Variants in CELF2 observed in about 807,000 individuals in gnomAD.
The protein encoded by CELF2 is CUG triplet repeat RNA-binding protein 2.
A neutral mutation model predicts 62.6 loss-of-function variants in CELF2; 8 were observed. That is an observed-to-expected ratio of 0.13 (90% CI 0.07 to 0.23). The LOEUF (loss-of-function observed/expected upper bound fraction) is 0.23. Ranked by LOEUF, CELF2 falls within the 10% of genes least tolerant of loss-of-function variation. The pLI, the probability that CELF2 is intolerant of heterozygous loss-of-function variation, is 1.00. For missense variants in CELF2, 333 were observed against 671.0 expected (o/e 0.50, Z 5.56); for synonymous variants, 258 against 250.0 (o/e 1.03, Z -0.30).
intron 2 of CELF2, among the ~76,000 whole-genome samples, chr10:11,198,451 C>T (rs796670730): frequency 5.9e-5 from 9 of 152,302 alleles, no homozygotes; most frequent in African/African-American, 2.2e-4. Flanking sequence ...TTGCCAACAT[C>T]TTTTTCTGTT....
At chr10:10,946,617 T>C (rs1187023554) in intron 2 of CELF2, 1 of 152,504 alleles carries the variant, frequency 6.6e-6, no homozygotes, top group Non-Finnish European at 1.5e-5. Context: ...AGATAAAGTT[T>C]TAGTGTTTTT....
the CELF2 span, among the ~76,000 whole-genome samples, chr10:10,597,266 C>G: frequency 6.6e-6 from 1 of 152,198 alleles, no homozygotes; most frequent in African/African-American, 2.4e-5. Flanking sequence ...AATTAAGCAT[C>G]TTGGAATCAG....
intron 2 of CELF2, among the ~76,000 whole-genome samples, chr10:10,953,411 C>G (rs928181495): frequency 6.6e-6 from 1 of 151,972 alleles, no homozygotes; most frequent in Non-Finnish European, 1.5e-5. Context: ...GCTTTCACAC[C>G]CAAAAGAAAT....
chr10:10,700,268 G>C, the CELF2 span, among the ~76,000 whole-genome samples: 2 of 152,198 alleles, frequency 1.3e-5, no homozygotes, highest in Non-Finnish European at 2.9e-5. Flanking sequence ...CCCCAGGGAA[G>C]AGGGAAAAGA....
At chr10:10,727,315 A>G in the CELF2 span, among the ~76,000 whole-genome samples, 1 of 152,190 alleles carries the variant, frequency 6.6e-6, no homozygotes, top group Non-Finnish European at 1.5e-5. Context: ...CACTTTCTTT[A>G]TGAAGCCACC....
chr10:11,009,876 G>A (rs760412240), intron 1 of CELF2, among the ~76,000 whole-genome samples: 1 of 152,256 alleles, frequency 6.6e-6, no homozygotes, highest in Non-Finnish European at 1.5e-5. Flanking sequence ...ATGCGTGGCT[G>A]TTTTCATCCC....
At chr10:11,248,454 T>G (rs1226025132) in intron 3 of CELF2, among the ~76,000 whole-genome samples, 1 of 152,184 alleles carries the variant, frequency 6.6e-6, no homozygotes, top group African/African-American at 2.4e-5. Flanking sequence ...CCTTCCATCC[T>G]TCCTTCCATT....
intron 8 of CELF2, among the ~76,000 whole-genome samples, chr10:11,279,752 A>T (rs1044928223): frequency 3.9e-5 from 6 of 152,148 alleles, no homozygotes; most frequent in East Asian, 1.9e-4. Context: ...AATTTTTTTT[A>T]AATCTTAAGT....
the CELF2 span, among the ~76,000 whole-genome samples, chr10:10,677,091 T>C: frequency 6.6e-6 from 1 of 152,188 alleles, no homozygotes; most frequent in Admixed American, 6.5e-5. Context: ...TGTAAAATAA[T>C]GAGGGCTATA....
chr10:10,831,155 A>C (rs2057819809), intron 1 of CELF2, among the ~76,000 whole-genome samples: 1 of 152,210 alleles, frequency 6.6e-6, no homozygotes, highest in Admixed American at 6.5e-5. Flanking sequence ...TACATTCTGA[A>C]GTGAATTGGA....
intron 2 of CELF2, among the ~76,000 whole-genome samples, chr10:10,961,454 A>C (rs1389825344): frequency 6.6e-6 from 1 of 152,232 alleles, no homozygotes; most frequent in Non-Finnish European, 1.5e-5. Flanking sequence ...TGTTTAAAAA[A>C]TGTTTGTAGG....
At chr10:11,077,454 C>G (rs1175572336) in intron 1 of CELF2, among the ~76,000 whole-genome samples, 1 of 152,158 alleles carries the variant, frequency 6.6e-6, no homozygotes, top group Non-Finnish European at 1.5e-5. Flanking sequence ...AGACCTGATG[C>G]CCTAAGCGTG....
chr10:11,129,954 A>C (rs1334387171), intron 1 of CELF2, among the ~76,000 whole-genome samples: 2 of 151,978 alleles, frequency 1.3e-5, no homozygotes, highest in Admixed American at 1.3e-4. Flanking sequence ...AGTTCTTTTA[A>C]TTGTGATGTT....
At position 10,990,049 on chromosome 10, in the gene CELF2, T is replaced by A. The variant is rs536667320; in HGVS notation, c.89+70050T>A. Among the ~76,000 whole-genome samples the A allele has an allele frequency of 6.6e-6, 1 of 152,284 alleles. No homozygotes were observed. Among genetic ancestry groups the A allele is most frequent in the African/African-American group, 2.4e-5 (1 of 41,582 alleles). ...AGCAATTTAGTAATTTATGTTAAGA[T>A]GTAAAACAGTTATCTTCTCTCTGAA... On this transcript the variant is annotated intron_variant, in intron 2 of 13. Coordinates refer to the CELF2 transcript ENST00000636488. This position sits in a 1 kb window ranked among gnomAD's most constrained non-coding sequence, Gnocchi z 4.6.
chr10:10,942,988 A>G, intron 2 of CELF2, among the ~76,000 whole-genome samples: 1 of 152,206 alleles, frequency 6.6e-6, no homozygotes, highest in East Asian at 1.9e-4. Flanking sequence ...ACCCACAAGT[A>G]TTGAACTATT....
chr10:10,568,939 T>C, the CELF2 span, among the ~76,000 whole-genome samples: 3 of 152,142 alleles, frequency 2.0e-5, no homozygotes, highest in Non-Finnish European at 4.4e-5. Flanking sequence ...GTTACAATAT[T>C]GTAATAAATT....
chr10:11,158,103 C>G (rs1432272036), intron 1 of CELF2, among the ~76,000 whole-genome samples: 1 of 152,218 alleles, frequency 6.6e-6, no homozygotes, highest in Non-Finnish European at 1.5e-5. Flanking sequence ...TACAAGGATT[C>G]TCTTTGTAGT....
chr10:10,681,938 G>C, the CELF2 span, among the ~76,000 whole-genome samples: 1 of 152,156 alleles, frequency 6.6e-6, no homozygotes, highest in Non-Finnish European at 1.5e-5. Flanking sequence ...GTAAACATTT[G>C]ACCCAAACAA....
chr10:11,163,583 T>G (rs1428386913), intron 1 of CELF2, among the ~76,000 whole-genome samples: 1 of 152,206 alleles, frequency 6.6e-6, no homozygotes, highest in African/African-American at 2.4e-5. Flanking sequence ...ACACCAAAAT[T>G]GTTGAGAGAA....
Sources: allele counts gnomAD v4.1 joint callset (sites outside exome capture counted in the v4.1 genomes callset), GRCh38; gene constraint gnomAD v4.1.1; non-coding constraint Gnocchi (gnomAD v3.1); transcripts MANE v1.5; gene names NCBI Gene and HGNC (gene_info 2026-07-23, HGNC 2026-07-21).